Variants in PSMD14 observed in about 807,000 individuals in gnomAD.
The protein encoded by PSMD14 is proteasome 26S subunit, non-ATPase 14, also known as ubiquitin C-terminal hydrolase PSMD14.
PSMD14 carries 7 observed loss-of-function variants against 41.2 expected under a neutral mutation model. That is an observed-to-expected ratio of 0.17 (90% CI 0.10 to 0.32). The LOEUF is 0.32. Ranked by LOEUF, PSMD14 falls within the 10% of genes least tolerant of loss-of-function variation. PSMD14 has a pLI of 1.00. For synonymous variants in PSMD14, 114 were observed against 122.3 expected (o/e 0.93, Z 0.45); for missense variants, 139 against 375.6 (o/e 0.37, Z 5.21).
chr2:161,400,482 A>G (rs1350200629), intron 10 of PSMD14, among the ~76,000 whole-genome samples: 15 of 152,174 alleles, frequency 9.9e-5, no homozygotes, highest in Admixed American at 9.8e-4. Context: ...TTTCTCATAA[A>G]TATATTAGAA....
At chr2:161,401,508 G>A (rs1683877373) in intron 10 of PSMD14, among the ~76,000 whole-genome samples, 1 of 152,198 alleles carries the variant, frequency 6.6e-6, no homozygotes, top group African/African-American at 2.4e-5. Context: ...GATACCTTTA[G>A]TAAAATCAGA....
At chr2:161,317,768 T>C (rs948464884) in intron 2 of PSMD14, among the ~76,000 whole-genome samples, 1 of 152,190 alleles carries the variant, frequency 6.6e-6, no homozygotes, top group Non-Finnish European at 1.5e-5. Flanking sequence ...TAAAACAACA[T>C]GGACGAAGGA....
At chr2:161,320,282 A>T (rs1381661413) in intron 3 of PSMD14, among the ~76,000 whole-genome samples, 2 of 152,240 alleles carry the variant, frequency 1.3e-5, no homozygotes, top group Admixed American at 6.5e-5. Context: ...AAGCATAGAT[A>T]CAATAAATTA....
intron 1 of PSMD14, among the ~76,000 whole-genome samples, chr2:161,311,032 C>T (rs1468668252): frequency 2.0e-5 from 3 of 152,178 alleles, no homozygotes; most frequent in African/African-American, 7.2e-5. Flanking sequence ...CTAGGCCAGG[C>T]GTGGTGGCTC....
intron 3 of PSMD14, among the ~76,000 whole-genome samples, chr2:161,350,073 A>C (rs1179658593): frequency 6.6e-6 from 1 of 152,206 alleles, no homozygotes; most frequent in Admixed American, 6.5e-5. Flanking sequence ...ATACGTGGTA[A>C]CATTTTTAAA....
chr2:161,384,572 T>A, intron 7 of PSMD14: 1 of 151,748 alleles, frequency 6.6e-6, no homozygotes. Flanking sequence ...ATGATCTTGC[T>A]GTAAGATTGT....
chr2:161,382,259 A>G (rs1244120658), intron 7 of PSMD14: 2 of 151,806 alleles, frequency 1.3e-5, no homozygotes, highest in African/African-American at 4.8e-5. Flanking sequence ...CACACATGTA[A>G]ATAGCATCAT....
chr2:161,411,559 C>A lies in PSMD14; in HGVS notation c.*159C>A. ...ACCTTCAGTCTCAGTTGTGCAATTA[C>A]TTCTGTTTCTTTAGTCAGGGTCTTT... is the stretch of plus-strand genomic sequence containing the variant. On this transcript the variant is annotated 3_prime_UTR_variant, in exon 12 of 12. Transcript: ENST00000409682. 2.5e-6 allele frequency: 1 copy of A among 406,534 alleles called. No individual in the cohort carries two copies. The highest frequency in any genetic ancestry group is 4.3e-6 in the Non-Finnish European group (1 of 230,628). 25.2% of individuals were successfully genotyped at this position (406,534 alleles called of 1,614,324 possible).
intron 3 of PSMD14, among the ~76,000 whole-genome samples, chr2:161,355,249 T>A (rs1683179521): frequency 6.6e-6 from 1 of 152,176 alleles, no homozygotes. Context: ...TTTATTGTCA[T>A]GTTGGCAATT....
chr2:161,370,022 T>G (rs1302706225), intron 5 of PSMD14, 85 bp from the exon 6 acceptor site: 5 of 968,812 alleles, frequency 5.2e-6, no homozygotes, highest in Non-Finnish European at 7.5e-6. Flanking sequence ...TATAAAATGA[T>G]TTTGGCAACC....
chr2:161,339,667 C>A (rs1209424752), intron 3 of PSMD14, among the ~76,000 whole-genome samples: 1 of 152,246 alleles, frequency 6.6e-6, no homozygotes, highest in Non-Finnish European at 1.5e-5. Context: ...GAGTCAACGA[C>A]CTATTGTATC....
At position 161,367,195 on chromosome 2, in the gene PSMD14, A is replaced by T. The variant is rs547665849; in HGVS notation, c.49-283A>T. 7.2e-5 allele frequency among the ~76,000 whole-genome samples: 11 copies of T among 152,324 alleles called. No individual in the cohort carries two copies. In the South Asian group the frequency reaches 2.3e-3, roughly 32 times the overall value. ...ACACACTGTGGTAACAAATGTGGCTAATTGGTACATTATAGCCATGTTGTA... is the reference window on the plus strand; with the variant it reads ...ACACACTGTGGTAACAAATGTGGCTTATTGGTACATTATAGCCATGTTGTA... On this transcript the variant is annotated intron_variant, in intron 3 of 11. Coordinates refer to ENST00000409682, the MANE Select transcript of PSMD14 (RefSeq NM_005805.6).
At chr2:161,393,144 G>C (rs1039903363) in intron 9 of PSMD14, among the ~76,000 whole-genome samples, 3 of 152,092 alleles carry the variant, frequency 2.0e-5, no homozygotes, top group African/African-American at 7.2e-5. Flanking sequence ...CTCGAGGGTC[G>C]CAAGGGAATC....
intron 10 of PSMD14, among the ~76,000 whole-genome samples, chr2:161,396,677 CAT>C (rs1416122297): frequency 1.3e-5 from 2 of 152,084 alleles, no homozygotes; most frequent in Non-Finnish European, 2.9e-5. Context: ...GCAAAAAAGA[CAT>C]AGGACATGTT....
At chr2:161,393,971 A>ATTTTTTTTTTTTTT (rs11452254) in intron 9 of PSMD14, among the ~76,000 whole-genome samples, 1 of 100,890 alleles carries the variant, frequency 9.9e-6, no homozygotes, top group Non-Finnish European at 1.9e-5. Context: ...ACACTAGATA[A>ATTTTTTTTTTTTTT]TTTTTTTTTT....
chr2:161,351,780 C>G (rs1282654312), intron 3 of PSMD14, among the ~76,000 whole-genome samples: 1 of 152,152 alleles, frequency 6.6e-6, no homozygotes, highest in Non-Finnish European at 1.5e-5. Context: ...CAAGCTGATA[C>G]AGCGCTATCA....
intron 10 of PSMD14, among the ~76,000 whole-genome samples, chr2:161,406,269 G>A (rs1396186652): frequency 6.6e-6 from 1 of 152,174 alleles, no homozygotes; most frequent in Non-Finnish European, 1.5e-5. Context: ...TCTTAGAGCT[G>A]TGCAGACCGT....
intron 10 of PSMD14, among the ~76,000 whole-genome samples, chr2:161,402,975 C>T (rs1346463763): frequency 6.6e-6 from 1 of 152,182 alleles, no homozygotes; most frequent in Non-Finnish European, 1.5e-5. Context: ...CTGTGGAAAA[C>T]AGTTTGGTGG....
chr2:161,357,492 C>T (rs1374582733), intron 3 of PSMD14, among the ~76,000 whole-genome samples: 1 of 152,092 alleles, frequency 6.6e-6, no homozygotes, highest in Non-Finnish European at 1.5e-5. Context: ...GTCAGAATTA[C>T]TTAAGTGATT....
Sources: allele counts gnomAD v4.1 joint callset (sites outside exome capture counted in the v4.1 genomes callset), GRCh38; gene constraint gnomAD v4.1.1; transcripts MANE v1.5; gene names NCBI Gene and HGNC (gene_info 2026-07-23, HGNC 2026-07-21).